The following MAN2B2 variants were observed in gnomAD, a reference collection of about 807,000 sequenced individuals.
MAN2B2 encodes mannosidase alpha class 2B member 2.
In MAN2B2, 106 loss-of-function variants were observed where a neutral mutation model predicts 117.1. That is an observed-to-expected ratio of 0.90 (90% confidence interval 0.77 to 1.06). The LOEUF (loss-of-function observed/expected upper bound fraction) is 1.06, where lower values mean the gene tolerates loss of function less well. Ranked by LOEUF, MAN2B2 falls within the 50% of genes least tolerant of loss-of-function variation. The pLI is 0.00. For synonymous variants in MAN2B2, 544 were observed against 595.1 expected (o/e 0.91, Z 1.25); for missense variants, 1,326 against 1,381.4 (o/e 0.96, Z 0.64).
intron 11 of MAN2B2, among the ~76,000 whole-genome samples, chr4:6,608,494 A>G (rs377144612): frequency 6.6e-6 from 1 of 152,218 alleles, no homozygotes; most frequent in South Asian, 2.1e-4. Context: ...CTCTTCTCCC[A>G]TCCTCTGTCC....
chr4:6,611,334 A>G, intron 15 of MAN2B2, 56 bp downstream of exon 15: 1 of 1,516,134 alleles, frequency 6.6e-7, no homozygotes, highest in Non-Finnish European at 8.9e-7. Flanking sequence ...CAGCCAGGCC[A>G]GGGCGGGCCT....
chr4:6,576,441 G>A, intron 1 of MAN2B2, 137 bp from the exon 2 acceptor site: 1 of 995,564 alleles, frequency 1.0e-6, no homozygotes, highest in Non-Finnish European at 1.5e-6. Context: ...GTGCCTAATA[G>A]CTGTGTGGGG....
intron 14 of MAN2B2, 37 bp downstream of exon 14, chr4:6,611,027 G>C (rs201340604): frequency 1.2e-6 from 2 of 1,613,068 alleles, no homozygotes; most frequent in African/African-American, 2.7e-5. Context: ...AGCCCCTCGC[G>C]GCCCCCTACA....
rs199774825 is a variant in MAN2B2 at position 6,593,311 on chromosome 4, G to A, written c.819G>A (p.Arg273=). ...AEALVANVKQ[R]AAWFRTPHVL... ...CCCTGGTGGCCAACGTGAAGCAGAG[G>A]GCCGCCTGGTTCCGGACACCGCACG... is the stretch of plus-strand genomic sequence containing the variant. The change falls in exon 6 of 19, where the codon AGG becomes AGA. Residue 273 remains arginine, a synonymous_variant. Coordinates refer to ENST00000285599, the MANE Select transcript of MAN2B2 (RefSeq NM_015274.3). The A allele has an allele frequency of 2.5e-4, 403 of 1,613,700 alleles. 2 individuals are homozygous for A. The South Asian group carries it at 4.0e-3, about 16-fold the overall frequency.
intron 6 of MAN2B2, among the ~76,000 whole-genome samples, chr4:6,593,590 C>T (rs1726946032): frequency 6.6e-6 from 1 of 152,254 alleles, no homozygotes; most frequent in African/African-American, 2.4e-5. Flanking sequence ...GCTCTCTTCC[C>T]TGCCTGGGCC....
At position 6,614,273 on chromosome 4, in the gene MAN2B2, G is replaced by T; in HGVS notation, c.2619G>T (p.Pro873=). Residue 873 remains proline, a synonymous_variant, in exon 16 of 19, where the codon CCG becomes CCT. Transcript: ENST00000285599. ...PQQQEAVTLP[P]NLHLQILSIP... is the part of the protein sequence containing the mutation. ...AGCAAGAGGCCGTGACGCTGCCCCC[G>T]AATCTTCACCTGCAGATCCTGAGCA... 6.2e-7 allele frequency: 1 copy of T among 1,614,006 alleles called. No homozygotes were observed. The highest frequency in any genetic ancestry group is 8.5e-7 in the Non-Finnish European group (1 of 1,179,990).
chr4:6,619,791 G>A (rs138034571), intron 17 of MAN2B2, 136 bp from the exon 18 acceptor site: 19 of 703,690 alleles, frequency 2.7e-5, no homozygotes, highest in African/African-American at 2.1e-4. Flanking sequence ...TGAGGGAGCT[G>A]TGTCAGGCAC....
intron 16 of MAN2B2, among the ~76,000 whole-genome samples, chr4:6,617,146 C>T (rs1315388023): frequency 6.6e-6 from 1 of 152,088 alleles, no homozygotes; most frequent in Non-Finnish European, 1.5e-5. Context: ...AAGAACAGCA[C>T]AGGAAAGACT....
rs1358618934 is a variant in MAN2B2, at chr4:6,617,292, C to T, written c.2702-88C>T. On this transcript the variant is annotated intron_variant, in intron 16 of 18. Transcript: ENST00000285599. The stretch of plus-strand genomic sequence containing the variant: ...AGGAGGTTACAGATAGGAAATGGAG[C>T]TGAGTGTGTAAAGCAGCGGGTATAG... 3 of 949,058 alleles carry T rather than the reference C, an allele frequency of 3.2e-6. No individual in the cohort carries two copies. In the East Asian group the frequency reaches 7.3e-5, roughly 23 times the overall value. 58.8% of individuals were successfully genotyped at this position (949,058 alleles called of 1,614,324 possible).
intron 2 of MAN2B2, among the ~76,000 whole-genome samples, chr4:6,577,334 C>T (rs896311361): frequency 3.3e-5 from 5 of 152,180 alleles, no homozygotes; most frequent in African/African-American, 9.7e-5. Context: ...GAAGCCCTGG[C>T]GTGAGCACCC....
chr4:6,618,874 A>AGGG (rs1712023821), intron 17 of MAN2B2: 1 of 152,172 alleles, frequency 6.6e-6, no homozygotes, highest in Non-Finnish European at 1.5e-5. Context: ...GATCCTCGCC[A>AGGG]CGGAGGATCC....
Position 6,619,794 on chromosome 4 carries a change from T to G in MAN2B2, c.2815-133T>G. ...GTGAGAAGCAGATGAGGGAGCTGTG[T>G]CAGGCACCAGGGGAGGACCTGGGCT... On this transcript the variant is annotated intron_variant, in intron 17 of 18. Transcript: ENST00000285599. 2.8e-6 allele frequency: 2 copies of G among 715,858 alleles called. 1 individual carries two copies. Among genetic ancestry groups the G allele is most frequent in the South Asian group, 3.3e-5 (2 of 61,000 alleles). The allele number at this position is 715,858 out of a possible 1,614,324, so 44.3% of individuals were successfully genotyped here.
intron 1 of MAN2B2, 89 bp downstream of exon 1, chr4:6,575,437 G>T (rs1726019564): frequency 1.9e-6 from 2 of 1,051,180 alleles, no homozygotes; most frequent in Non-Finnish European, 2.6e-6. Flanking sequence ...CCCGGGGCCC[G>T]ATGCCGGCGC....
intron 11 of MAN2B2, among the ~76,000 whole-genome samples, chr4:6,606,232 T>A (rs965110912): frequency 6.6e-6 from 1 of 152,182 alleles, no homozygotes; most frequent in Non-Finnish European, 1.5e-5. Context: ...CAGCTCAAGG[T>A]CACTGTCAGC....
chr4:6,600,982 T>C (rs1402930217), intron 10 of MAN2B2, among the ~76,000 whole-genome samples: 2 of 152,118 alleles, frequency 1.3e-5, no homozygotes, highest in African/African-American at 2.4e-5. Context: ...CATTCCTGAA[T>C]TGAGTACCTG....
In MAN2B2 at chr4:6,620,017, T is replaced by C. The variant is rs1230316303; in HGVS notation, c.2905T>C (p.Trp969Arg). 1 of 1,613,366 alleles carries C rather than the reference T, an allele frequency of 6.2e-7. No homozygotes were observed. ...TTTGAGCATGCTGCACCGCTGGAGC[T>C]GGAGGACGGGGCCTGGCCGCCACAG... ...WDLSMLHRWS[W>R]RTGPGRHRGD... is the part of the protein sequence containing the mutation. The change falls in exon 18 of 19, where the codon TGG (tryptophan) becomes CGG (arginine). Residue 969 changes from tryptophan to arginine, a missense_variant. Physicochemically the swap from Trp to Arg is moderately radical, Grantham distance 101. Coordinates refer to ENST00000285599, the MANE Select transcript of MAN2B2 (RefSeq NM_015274.3).
intron 5 of MAN2B2, among the ~76,000 whole-genome samples, chr4:6,591,190 G>GC (rs887767773): frequency 5.9e-5 from 9 of 152,080 alleles, no homozygotes; most frequent in African/African-American, 2.2e-4. Context: ...GAGGGAAGGG[G>GC]CCTGGAGACC....
chr4:6,610,985 G>A lies in MAN2B2; in HGVS notation c.2365G>A (p.Val789Met), dbSNP rs577229825. 3.7e-6 allele frequency: 6 copies of A among 1,614,192 alleles called. 1 individual carries two copies. In the South Asian group the frequency reaches 5.5e-5, roughly 15 times the overall value. ...HGISSQGNGQ[V>M]EVMLHRRLWN... ...CATCTCCAGCCAAGGGAATGGGCAG[G>A]TGGAGGTAGGAGGCACGGTCTGTCC... Residue 789 changes from valine to methionine, a missense_variant, in exon 14 of 19, where the codon GTG becomes ATG. Physicochemically the swap from Val to Met is conservative, Grantham distance 21. Transcript: ENST00000285599.
chr4:6,585,363 A>G (rs1726590955), intron 3 of MAN2B2, among the ~76,000 whole-genome samples: 1 of 152,190 alleles, frequency 6.6e-6, no homozygotes, highest in Non-Finnish European at 1.5e-5. Flanking sequence ...CTGTTCACCA[A>G]TCTTAAAGTG....
Sources: gnomAD v4.1 joint callset for allele counts (sites outside exome capture counted in the v4.1 genomes callset) on GRCh38, gnomAD v4.1.1 for gene constraint, MANE v1.5 for transcripts, NCBI Gene and HGNC (gene_info 2026-07-23, HGNC 2026-07-21) for gene names.